The following BCR variants were observed in gnomAD, a reference collection of about 807,000 sequenced individuals.
The protein encoded by BCR is breakpoint cluster region protein.
A neutral mutation model predicts 138.6 loss-of-function variants in BCR; 58 were observed. That is an observed-to-expected ratio of 0.42 (90% confidence interval 0.34 to 0.52). BCR has a LOEUF of 0.52. Among genes scored for constraint, BCR ranks in the 20% least tolerant of loss-of-function variants. The probability of loss-of-function intolerance (pLI) is 0.06; values close to 1 mark genes in which losing one functional copy is unlikely to be tolerated. For synonymous variants in BCR, 786 were observed against 730.1 expected (o/e 1.08, Z -1.23); for missense variants, 1,599 against 1,727.2 (o/e 0.93, Z 1.32).
intron 12 of BCR, among the ~76,000 whole-genome samples, chr22:23,288,443 C>T (rs1384915227): frequency 6.6e-6 from 1 of 151,296 alleles, no homozygotes; most frequent in Non-Finnish European, 1.5e-5. Context: ...TTCCCCAGGC[C>T]CTTTCCAGAT....
At chr22:23,254,528 T>C in intron 2 of BCR, 1 of 518,946 alleles carries the variant, frequency 1.9e-6, no homozygotes, top group South Asian at 1.4e-5. Context: ...GCACATTCAG[T>C]AGATGCTCTG....
At position 23,292,738 on chromosome 22, in the gene BCR, C is replaced by T. The variant is rs2073802485; in HGVS notation, c.2880+100C>T. ...CCTTCAGGGGCTCCCTGAGGGCTTC[C>T]CCCGAAGGCAGTGCTGCTGAATTCC... On this transcript the variant is annotated intron_variant, in intron 15 of 22. Transcript: ENST00000305877. The T allele has an allele frequency of 7.0e-6, 7 of 1,002,584 alleles. No individual in the cohort carries two copies. The African/African-American group carries it at 9.8e-5, about 14-fold the overall frequency. 62.1% of individuals were successfully genotyped at this position (1,002,584 alleles called of 1,614,324 possible).
intron 1 of BCR, among the ~76,000 whole-genome samples, chr22:23,208,202 T>A (rs2072640499): frequency 6.6e-6 from 1 of 152,170 alleles, no homozygotes; most frequent in Admixed American, 6.5e-5. Context: ...CCTCTGGCAT[T>A]TGTGAGAACC....
chr22:23,216,763 T>C (rs1268165260), intron 1 of BCR, among the ~76,000 whole-genome samples: 1 of 152,244 alleles, frequency 6.6e-6, no homozygotes, highest in Non-Finnish European at 1.5e-5. Flanking sequence ...CCGTTGTAGC[T>C]AAGGACTTGG....
intron 1 of BCR, among the ~76,000 whole-genome samples, chr22:23,223,958 C>A (rs978882222): frequency 6.6e-6 from 1 of 152,192 alleles, no homozygotes; most frequent in Non-Finnish European, 1.5e-5. Flanking sequence ...CCCTGATGCC[C>A]AGGACCCCGT....
chr22:23,281,856 G>A (rs1324866906), intron 8 of BCR, among the ~76,000 whole-genome samples: 1 of 152,236 alleles, frequency 6.6e-6, no homozygotes, highest in Non-Finnish European at 1.5e-5. Flanking sequence ...CAGGTCCCCA[G>A]TGTGACACTC....
rs750346210 is a variant in BCR at position 23,180,990 on chromosome 22, G to A, written c.30G>A (p.Ala10=). ...TGGACCCGGTGGGCTTCGCGGAGGC[G>A]TGGAAGGCGCAGTTCCCGGACTCAG... MVDPVGFAE[A]WKAQFPDSEP... is the part of the protein sequence containing the mutation. The change falls in exon 1 of 23, where the codon GCG becomes GCA. Residue 10 remains alanine (A), a synonymous_variant. Transcript: ENST00000305877. 6.2e-6 allele frequency: 9 copies of A among 1,443,258 alleles called. No homozygotes were observed. In the Middle Eastern group the frequency reaches 5.7e-4, roughly 92 times the overall value. 89.4% of individuals were successfully genotyped at this position (1,443,258 alleles called of 1,614,324 possible).
chr22:23,249,052 G>A (rs1175385022), intron 1 of BCR, among the ~76,000 whole-genome samples: 7 of 151,916 alleles, frequency 4.6e-5, no homozygotes, highest in East Asian at 1.9e-4. Flanking sequence ...TTGGGAGGCC[G>A]AGGCAGGAGG....
intron 1 of BCR, among the ~76,000 whole-genome samples, chr22:23,241,412 T>A (rs542971357): frequency 6.6e-6 from 1 of 152,290 alleles, no homozygotes; most frequent in Admixed American, 6.5e-5. Flanking sequence ...GCAGCGGCCA[T>A]GGCCCGCATC....
chr22:23,241,244 G>C (rs2073087253), intron 1 of BCR, among the ~76,000 whole-genome samples: 2 of 152,208 alleles, frequency 1.3e-5, no homozygotes, highest in South Asian at 2.1e-4. Flanking sequence ...GCCCTCCCAG[G>C]CTTGCTGGGT....
intron 19 of BCR, 158 bp from the exon 20 acceptor site, chr22:23,312,729 G>A (rs1263061664): frequency 4.9e-6 from 3 of 615,692 alleles, no homozygotes; most frequent in African/African-American, 1.8e-5. Context: ...ACAGAACCAT[G>A]CACAGCTCTT....
chr22:23,281,393 G>A (rs1034985116), intron 8 of BCR, among the ~76,000 whole-genome samples: 3 of 152,346 alleles, frequency 2.0e-5, no homozygotes, highest in South Asian at 4.1e-4. Context: ...CCTGGAGGAC[G>A]ACTCGGGTGG....
At chr22:23,296,998 C>T (rs2073851892) in intron 16 of BCR, among the ~76,000 whole-genome samples, 1 of 152,078 alleles carries the variant, frequency 6.6e-6, no homozygotes, top group Non-Finnish European at 1.5e-5. Flanking sequence ...ATGGTCACGG[C>T]TCAGGTTCTT....
In BCR at chr22:23,180,826, C is replaced by A; in HGVS notation, c.-135C>A. ...CACCTGCCACCAGGGAGTGGGCGGGCATTGTTCGCCGCCGCCGCCGCCGCG... is the reference window on the plus strand; with the variant it reads ...CACCTGCCACCAGGGAGTGGGCGGGAATTGTTCGCCGCCGCCGCCGCCGCG... On this transcript the variant is annotated 5_prime_UTR_variant, in exon 1 of 23. Coordinates refer to ENST00000305877, the MANE Select transcript of BCR (RefSeq NM_004327.4). 1 of 351,990 alleles carries A rather than the reference C, an allele frequency of 2.8e-6. No individual in the cohort carries two copies. The highest frequency in any genetic ancestry group is 3.9e-6 in the Non-Finnish European group (1 of 255,314). The allele number at this position is 351,990 out of a possible 1,614,324, so 21.8% of individuals were successfully genotyped here.
chr22:23,254,612 G>A (rs2073272098), intron 2 of BCR: 1 of 518,792 alleles, frequency 1.9e-6, no homozygotes, highest in African/African-American at 1.9e-5. Flanking sequence ...GTTGCAGGCT[G>A]GATGGTGCTG....
At chr22:23,311,617 G>T in intron 18 of BCR, 80 bp from the exon 19 acceptor site, 1 of 1,292,388 alleles carries the variant, frequency 7.7e-7, no homozygotes, top group South Asian at 1.3e-5. Flanking sequence ...ACCTCCGGGT[G>T]TGCAGATATG....
At position 23,181,714 on chromosome 22, in the gene BCR, A is replaced by G. The variant is rs531219315; in HGVS notation, c.754A>G (p.Asn252Asp). ...CGGCGACTACGAGGACGCCGAGTTG[A>G]ACCCCCGCTTCCTGAAGGACAACCT... ...VDGDYEDAEL[N>D]PRFLKDNLID... is the part of the protein sequence containing the mutation. Residue 252 changes from asparagine to aspartate, a missense_variant, in exon 1 of 23, where the codon AAC becomes GAC. Transcript: ENST00000305877. 6.2e-7 allele frequency: 1 copy of G among 1,603,860 alleles called. No individual in the cohort carries two copies. The highest frequency in any genetic ancestry group is 1.3e-5 in the African/African-American group (1 of 74,926).
rs1037076909 is a variant in BCR, at chr22:23,209,702, C to T, written c.1279+27463C>T. Among the ~76,000 whole-genome samples the T allele has an allele frequency of 4.6e-5, 7 of 152,238 alleles. No homozygotes were observed. In the East Asian group the frequency reaches 1.4e-3, roughly 30 times the overall value. On this transcript the variant is annotated intron_variant, in intron 1 of 22. Transcript: ENST00000305877. ...GGGACTACAGGCACCCGCCACCACA[C>T]CTGGCTAATTTTTTGTATTTTCAGT...
At chr22:23,217,058 G>C (rs6003565) in intron 1 of BCR, 209 of 449,782 alleles carry the variant, frequency 4.6e-4, no homozygotes, top group African/African-American at 3.9e-3. Context: ...TGGACACAAG[G>C]CATGATTCTC....
Sources: gnomAD v4.1 joint callset for allele counts (sites outside exome capture counted in the v4.1 genomes callset) on GRCh38, gnomAD v4.1.1 for gene constraint, MANE v1.5 for transcripts, NCBI Gene and HGNC (gene_info 2026-07-23, HGNC 2026-07-21) for gene names.